THBS3: variants seen among roughly 807,000 people sequenced by gnomAD.
The protein encoded by THBS3 is thrombospondin 3, also known as thrombospondin-3.
THBS3 carries 78 observed loss-of-function variants against 118.3 expected under a neutral mutation model. That is an observed-to-expected ratio of 0.66 (90% confidence interval 0.55 to 0.80). The LOEUF is 0.80. THBS3 is among the 30% of genes least tolerant of loss of function. The probability of loss-of-function intolerance (pLI) is 0.00; values close to 1 mark genes in which losing one functional copy is unlikely to be tolerated. For missense variants in THBS3, 1,057 were observed against 1,247.4 expected, an observed-to-expected ratio of 0.85 and a Z score of 2.30; for synonymous variants, 427 against 475.3, an observed-to-expected ratio of 0.90 and a Z score of 1.32.
chr1:155,200,826 G>A, intron 13 of THBS3, 71 bp downstream of exon 13: 5 of 1,612,096 alleles, frequency 3.1e-6, no homozygotes, highest in Non-Finnish European at 4.2e-6. Context: ...TGCCAGATGA[G>A]GTAAGTGAGG....
intron 4 of THBS3, among the ~76,000 whole-genome samples, chr1:155,204,369 C>T (rs189462742): frequency 1.3e-5 from 2 of 152,150 alleles, no homozygotes; most frequent in African/African-American, 4.8e-5. Flanking sequence ...GTGGGTGCAT[C>T]ACTTGAGATT....
chr1:155,198,656 C>G lies in THBS3; in HGVS notation c.1881-54G>C, dbSNP rs1669104343. On this transcript the variant is annotated intron_variant, in intron 16 of 22. Coordinates refer to ENST00000368378, the MANE Select transcript of THBS3 (RefSeq NM_007112.5). ...GGATTTAAAGGTACTCCTTGTCCTT[C>G]CCTTCGCTTCTGCCTGGGAGTCTCT... is the stretch of plus-strand genomic sequence containing the variant. 3 of 1,559,598 alleles carry G rather than the reference C, an allele frequency of 1.9e-6. No individual in the cohort carries two copies. In the South Asian group the frequency reaches 3.5e-5, roughly 18 times the overall value.
At chr1:155,208,820 C>G, upstream of THBS3, 4 of 1,553,670 alleles carry the variant, frequency 2.6e-6, no homozygotes, top group South Asian at 1.2e-5. Flanking sequence ...GCTCGGGGGA[C>G]CCCCCCGCAG....
chr1:155,201,198 C>T lies in THBS3; in HGVS notation c.1336G>A (p.Val446Met), dbSNP rs201078357. 32 of 1,613,992 alleles carry T rather than the reference C, an allele frequency of 2.0e-5. No homozygotes were observed. Among genetic ancestry groups the T allele is most frequent in the East Asian group, 2.2e-5 (1 of 44,898 alleles). The change falls in exon 12 of 23, where the codon GTG becomes ATG. Residue 446 changes from valine (V) to methionine (M), a missense_variant. This residue lies in a region of THBS3 where 544 missense variants were observed against 715.6 expected (regional missense o/e 0.76). Coordinates refer to ENST00000368378, the MANE Select transcript of THBS3 (RefSeq NM_007112.5). ...ACGTTCCCATTCCCAGCCCAGCCCA[C>T]GTTACACTAGGGCAACACAAAGGGT... ...RNGAVSCQCN[V>M]GWAGNGNVCG...
At position 155,197,345 on chromosome 1, in the gene THBS3, C is replaced by T; in HGVS notation, c.2499+118G>A. 7 of 1,522,368 alleles carry T rather than the reference C, an allele frequency of 4.6e-6. No individual in the cohort carries two copies. The highest frequency in any genetic ancestry group is 6.2e-6 in the Non-Finnish European group (7 of 1,120,852). The allele number at this position is 1,522,368 out of a possible 1,614,324, so 94.3% of individuals were successfully genotyped here. On this transcript the variant is annotated intron_variant, in intron 20 of 22. Transcript: ENST00000368378. This position sits in a 1 kb window ranked among gnomAD's most constrained non-coding sequence, Gnocchi z 5.0. ...TGCCCTGGGGCCCCAGAGAGCCGGC[C>T]TCCAAGCCAGATGTCTGGGTAAGAG...
In THBS3 at chr1:155,201,005, C is replaced by CT; in HGVS notation, c.1441-2dup. ...AGTTGGGTGTCAAAAGGCAGTTGTC[C>CT]TAAAGTTCAGGGGAAGAGGATGGAT... On this transcript the variant is annotated splice_acceptor_variant, in intron 12 of 22. Coordinates refer to ENST00000368378, the MANE Select transcript of THBS3 (RefSeq NM_007112.5). LOFTEE classifies it high-confidence loss of function. The CT allele has an allele frequency of 6.2e-7, 1 of 1,614,174 alleles. No individual in the cohort carries two copies. The highest frequency in any genetic ancestry group is 8.5e-7 in the Non-Finnish European group (1 of 1,180,028).
At chr1:155,196,216 G>A in intron 21 of THBS3, 90 bp from the exon 22 acceptor site, 1 of 1,481,430 alleles carries the variant, frequency 6.8e-7, no homozygotes, top group Non-Finnish European at 9.2e-7. Flanking sequence ...CTTTTCCCCA[G>A]CCCCCCTTGA....
In THBS3 at chr1:155,205,087, A is replaced by T; in HGVS notation, c.516T>A (p.Thr172=). The T allele has an allele frequency of 6.2e-7, 1 of 1,613,978 alleles. No homozygotes were observed. The highest frequency in any genetic ancestry group is 8.5e-7 in the Non-Finnish European group (1 of 1,179,944). Residue 172 remains threonine (T), a synonymous_variant, in exon 3 of 23, where the codon ACT becomes ACA. Coordinates refer to ENST00000368378, the MANE Select transcript of THBS3 (RefSeq NM_007112.5). ...PAEVDGLEIR[T]GQKAYLRMQG... is the part of the protein sequence containing the mutation. ...GCATCCTCAAATACGCCTTCTGTCC[A>T]GTCCTAATCTCCAGCCCATCGACCT...
rs374587876 is a variant in THBS3 at position 155,207,798 on chromosome 1, C to G, written c.79G>C (p.Val27Leu). 1 of 1,613,934 alleles carries G rather than the reference C, an allele frequency of 6.2e-7. No homozygotes were observed. The highest frequency in any genetic ancestry group is 8.5e-7 in the Non-Finnish European group (1 of 1,179,954). Reference sequence around the variant, plus strand: ...TCTAAGAGGATGGAGACAGGCTTACCCTGCAGATCCTGACTGGCAGATGTG... The same window carrying G: ...TCTAAGAGGATGGAGACAGGCTTACGCTGCAGATCCTGACTGGCAGATGTG... ...FFTSASQDLQ[V>L]IDLLTVGESR... The change falls in exon 1 of 23, where the codon GTA (valine) becomes CTA (leucine). Residue 27 changes from valine to leucine, a missense_variant and splice_region_variant. Val to Leu is a conservative substitution (Grantham distance 32, BLOSUM62 1). Coordinates refer to ENST00000368378, the MANE Select transcript of THBS3 (RefSeq NM_007112.5).
At chr1:155,199,964 T>C in intron 15 of THBS3, 31 bp downstream of exon 15, 1 of 1,605,154 alleles carries the variant, frequency 6.2e-7, no homozygotes. Context: ...AGTACCCTCA[T>C]CCCTCCCCTG....
upstream of THBS3, chr1:155,209,164 G>A (rs1474088766): frequency 2.7e-6 from 4 of 1,498,992 alleles, no homozygotes; most frequent in Middle Eastern, 4.1e-4. Context: ...TGACCGCAAC[G>A]ATCGGAGGGG....
rs1670560901 is a variant in THBS3, at chr1:155,206,489, C to T, written c.80-83G>A. 1 of 1,207,966 alleles carries T rather than the reference C, an allele frequency of 8.3e-7. No individual in the cohort carries two copies. Among genetic ancestry groups the T allele is most frequent in the Non-Finnish European group, 1.2e-6 (1 of 848,898 alleles). The allele number at this position is 1,207,966 out of a possible 1,614,324, so 74.8% of individuals were successfully genotyped here. ...TCCCCCGAGCCCACATCACCCCCTA[C>T]CCCCACCACCAGGCAGCGTTAGTCA... is the stretch of plus-strand genomic sequence containing the variant. On this transcript the variant is annotated intron_variant, in intron 1 of 22. Transcript: ENST00000368378. The surrounding 1 kb of genome is among the most constrained non-coding windows in gnomAD (Gnocchi z 4.2).
rs779183859 is a variant in THBS3 at position 155,197,034 on chromosome 1, T to C, written c.2672+7A>G. 6.2e-7 allele frequency: 1 copy of C among 1,612,642 alleles called. No homozygotes were observed. The highest frequency in any genetic ancestry group is 8.5e-7 in the Non-Finnish European group (1 of 1,179,010). ...GTCCCACAGGTGGGCTCAGCCCCTCTCCTTACCGAATGTAGCCAACTTGAG... is the reference window on the plus strand; with the variant it reads ...GTCCCACAGGTGGGCTCAGCCCCTCCCCTTACCGAATGTAGCCAACTTGAG... On this transcript the variant is annotated splice_region_variant and intron_variant, in intron 21 of 22. Transcript: ENST00000368378. This position sits in a 1 kb window ranked among gnomAD's most constrained non-coding sequence, Gnocchi z 5.0.
chr1:155,202,533 G>T lies in THBS3; in HGVS notation c.958-132C>A. ...CCCCACACAACTGCCTTGTGCTCCT[G>T]GTCCCCACCCCACTTCCCTCGGGGT... On this transcript the variant is annotated intron_variant, in intron 8 of 22. Coordinates refer to ENST00000368378, the MANE Select transcript of THBS3 (RefSeq NM_007112.5). This position sits in a 1 kb window ranked among gnomAD's most constrained non-coding sequence, Gnocchi z 5.5. The T allele has an allele frequency of 7.5e-7, 1 of 1,326,480 alleles. No homozygotes were observed. Among genetic ancestry groups the T allele is most frequent in the Non-Finnish European group, 1.0e-6 (1 of 986,182 alleles). 82.2% of individuals were successfully genotyped at this position (1,326,480 alleles called of 1,614,324 possible). A position where few individuals can be genotyped will look rare whatever the true frequency, so the allele number is the denominator to read the frequency against.
chr1:155,208,776 C>A (rs754450710), upstream of THBS3: 6 of 1,472,206 alleles, frequency 4.1e-6, no homozygotes, highest in East Asian at 7.7e-5. Flanking sequence ...GCGCAGGGCC[C>A]GCTCCAAACA....
chr1:155,207,612 A>ACTCTCCGGTGCCCACTC (rs2148040021), intron 1 of THBS3, among the ~76,000 whole-genome samples, 186 bp downstream of exon 1: 1 of 149,804 alleles, frequency 6.7e-6, no homozygotes, highest in Non-Finnish European at 1.5e-5. Context: ...CTCCCCCACT[A>ACTCTCCGGTGCCCACTC]CTCTCCGGTG....
At chr1:155,200,809 A>AG in intron 13 of THBS3, 88 bp downstream of exon 13, 1 of 1,609,478 alleles carries the variant, frequency 6.2e-7, no homozygotes, top group Non-Finnish European at 8.5e-7. Context: ...GGCCCTTACT[A>AG]GAGAGCTGCC....
At chr1:155,208,818 G>T, upstream of THBS3, 1 of 1,561,004 alleles carries the variant, frequency 6.4e-7, no homozygotes, top group South Asian at 1.1e-5. Flanking sequence ...CTGCTCGGGG[G>T]ACCCCCCCGC....
In THBS3 at chr1:155,203,502, G is replaced by C; in HGVS notation, c.673+11C>G. 6.2e-7 allele frequency: 1 copy of C among 1,613,588 alleles called. No homozygotes were observed. The highest frequency in any genetic ancestry group is 8.5e-7 in the Non-Finnish European group (1 of 1,179,914). The stretch of plus-strand genomic sequence containing the variant: ...CCGCTCCCCGCTTCCGCTTCAGTGT[G>C]GCCTACTCACCTAGAATGGAGTGCA... On this transcript the variant is annotated intron_variant, in intron 5 of 22. Coordinates refer to ENST00000368378, the MANE Select transcript of THBS3 (RefSeq NM_007112.5).
Sources: allele counts gnomAD v4.1 joint callset (sites outside exome capture counted in the v4.1 genomes callset), GRCh38; gene constraint gnomAD v4.1.1; regional missense constraint gnomAD v4.1.1; non-coding constraint Gnocchi (gnomAD v3.1); transcripts MANE v1.5; gene names NCBI Gene and HGNC (gene_info 2026-07-23, HGNC 2026-07-21).